The following SEMA6D variants were observed in gnomAD, a reference collection of about 807,000 sequenced individuals.
SEMA6D encodes semaphorin-6D.
Under a neutral mutation model 106.6 loss-of-function variants are expected in SEMA6D, and 35 were observed. That is an observed-to-expected ratio of 0.33 (90% confidence interval 0.25 to 0.44). SEMA6D has a LOEUF of 0.44. SEMA6D is among the 20% of genes least tolerant of loss of function. The pLI is 1.00. For missense variants in SEMA6D, 1,185 were observed against 1,345.9 expected, an observed-to-expected ratio of 0.88 and a Z score of 1.87; for synonymous variants, 499 against 487.7, an observed-to-expected ratio of 1.02 and a Z score of -0.31.
intron 2 of SEMA6D, among the ~76,000 whole-genome samples, chr15:47,460,415 G>T (rs532860219): frequency 1.3e-5 from 2 of 152,058 alleles, no homozygotes; most frequent in Non-Finnish European, 2.9e-5. Context: ...AGAGTAGTCC[G>T]AGAAATCATC....
At chr15:47,578,382 T>C (rs1366024754) in intron 3 of SEMA6D, among the ~76,000 whole-genome samples, 1 of 152,260 alleles carries the variant, frequency 6.6e-6, no homozygotes, top group Non-Finnish European at 1.5e-5. Context: ...TGAGGACTAC[T>C]GTTCCTTCAG....
chr15:47,741,900 T>C (rs2080843495), intron 1 of SEMA6D, among the ~76,000 whole-genome samples: 1 of 152,172 alleles, frequency 6.6e-6, no homozygotes, highest in Non-Finnish European at 1.5e-5. Context: ...TGAGCAATTC[T>C]ACCCACTGTG....
intron 3 of SEMA6D, among the ~76,000 whole-genome samples, chr15:47,561,215 A>G (rs747138898): frequency 6.6e-6 from 1 of 152,110 alleles, no homozygotes; most frequent in Non-Finnish European, 1.5e-5. Context: ...ATGGCCAAAG[A>G]AAAGGAGAAA....
chr15:47,510,524 C>T (rs1488422222), intron 3 of SEMA6D, among the ~76,000 whole-genome samples: 1 of 152,146 alleles, frequency 6.6e-6, no homozygotes, highest in African/African-American at 2.4e-5. Flanking sequence ...GTGCCAGCCC[C>T]CAGTCCTTGC....
chr15:47,301,650 A>G (rs946956741), intron 1 of SEMA6D, among the ~76,000 whole-genome samples: 5 of 152,226 alleles, frequency 3.3e-5, no homozygotes, highest in African/African-American at 1.2e-4. Context: ...CTGCTGGGCC[A>G]CAGCCTTTCT....
At chr15:47,727,437 C>T (rs1039392388) in intron 1 of SEMA6D, among the ~76,000 whole-genome samples, 5 of 152,212 alleles carry the variant, frequency 3.3e-5, no homozygotes, top group African/African-American at 9.6e-5. Flanking sequence ...GCTCCTCAAA[C>T]ATCAGTGTGC....
At chr15:47,664,353 A>G (rs1180611363) in intron 4 of SEMA6D, among the ~76,000 whole-genome samples, 1 of 152,184 alleles carries the variant, frequency 6.6e-6, no homozygotes, top group Non-Finnish European at 1.5e-5. Context: ...AGAATATTTA[A>G]TGAGCTCTTA....
At chr15:47,311,514 T>A (rs2036448229) in intron 1 of SEMA6D, among the ~76,000 whole-genome samples, 1 of 152,202 alleles carries the variant, frequency 6.6e-6, no homozygotes, top group South Asian at 2.1e-4. Context: ...TTTTGATATA[T>A]TCAGTTCCAG....
intron 13 of SEMA6D, 140 bp from the exon 14 acceptor site, chr15:47,765,729 A>G (rs2082302907): frequency 1.3e-6 from 1 of 762,662 alleles, no homozygotes; most frequent in East Asian, 3.2e-5. Context: ...GAATCACATA[A>G]TTATTATTTC....
intron 1 of SEMA6D, among the ~76,000 whole-genome samples, chr15:47,195,942 G>GC (rs1555402817): frequency 6.6e-6 from 1 of 151,926 alleles, no homozygotes; most frequent in African/African-American, 2.4e-5. Flanking sequence ...AGAAAGCAAG[G>GC]CCCCCCAGGC....
chr15:47,473,831 C>T (rs898808485), intron 3 of SEMA6D, among the ~76,000 whole-genome samples: 2 of 152,058 alleles, frequency 1.3e-5, no homozygotes, highest in African/African-American at 4.8e-5. Flanking sequence ...CCAGAAACTC[C>T]TTCTTTCCCC....
chr15:47,360,573 C>T (rs1249519770), intron 1 of SEMA6D, among the ~76,000 whole-genome samples: 1 of 152,196 alleles, frequency 6.6e-6, no homozygotes, highest in Non-Finnish European at 1.5e-5. Context: ...CATGAGACTA[C>T]AGGCATAAGG....
Position 47,498,536 on chromosome 15 carries a change from T to G in SEMA6D, c.-87+27991T>G, listed in dbSNP as rs191409759. ...TTTCAGGAGTCCACATCCTTCTGGTTTATAGATATGTGTATTATTTAGGAG... is the reference window on the plus strand; with the variant it reads ...TTTCAGGAGTCCACATCCTTCTGGTGTATAGATATGTGTATTATTTAGGAG... On this transcript the variant is annotated intron_variant, in intron 3 of 19. Coordinates refer to the SEMA6D transcript ENST00000558014. Among the ~76,000 whole-genome samples, 128 of 152,262 alleles carry G rather than the reference T, an allele frequency of 8.4e-4. 2 individuals carry two copies. The East Asian group carries it at 0.023, about 27-fold the overall frequency.
chr15:47,542,016 A>G (rs955705731), intron 3 of SEMA6D, among the ~76,000 whole-genome samples: 2 of 152,216 alleles, frequency 1.3e-5, no homozygotes, highest in Non-Finnish European at 2.9e-5. Flanking sequence ...ATATGCATAT[A>G]TACAGAGCAA....
intron 3 of SEMA6D, among the ~76,000 whole-genome samples, chr15:47,574,885 C>A (rs570564103): frequency 6.6e-6 from 1 of 152,228 alleles, no homozygotes; most frequent in Non-Finnish European, 1.5e-5. Flanking sequence ...TTTGTTTGGT[C>A]TTATTTGGGT....
At chr15:47,348,511 A>T (rs2038135377) in intron 1 of SEMA6D, among the ~76,000 whole-genome samples, 1 of 152,012 alleles carries the variant, frequency 6.6e-6, no homozygotes, top group African/African-American at 2.4e-5. Flanking sequence ...AAAGTCCAAA[A>T]TTTCTTGAGC....
intron 1 of SEMA6D, among the ~76,000 whole-genome samples, chr15:47,743,782 C>A (rs576274612): frequency 1.1e-3 from 167 of 152,118 alleles, no homozygotes; most frequent in Non-Finnish European, 2.0e-3. Flanking sequence ...TTACCATGCC[C>A]GAAATTTAGG....
At chr15:47,375,685 G>T (rs1351535108) in intron 1 of SEMA6D, among the ~76,000 whole-genome samples, 1 of 151,992 alleles carries the variant, frequency 6.6e-6, no homozygotes, top group Admixed American at 6.6e-5. Flanking sequence ...ATAAGACAAA[G>T]AAAAAGAAGT....
chr15:47,184,395 T>G (rs1209875132), exon 1 of SEMA6D: 1 of 152,066 alleles, frequency 6.6e-6, no homozygotes, highest in Non-Finnish European at 1.5e-5. Context: ...GAAGCGGGAG[T>G]CAGGCTGAGC....
Sources: allele counts gnomAD v4.1 joint callset (sites outside exome capture counted in the v4.1 genomes callset), GRCh38; gene constraint gnomAD v4.1.1; transcripts MANE v1.5; gene names NCBI Gene and HGNC (gene_info 2026-07-23, HGNC 2026-07-21).